The following TATDN2 variants were observed in gnomAD, a reference collection of about 807,000 sequenced individuals.
The protein encoded by TATDN2 is TatD DNase domain containing 2.
A neutral mutation model predicts 60.3 loss-of-function variants in TATDN2; 44 were observed. That is an observed-to-expected ratio of 0.73 (90% CI 0.57 to 0.94). TATDN2 has a LOEUF of 0.94. TATDN2 is among the 40% of genes least tolerant of loss of function. The pLI is 0.00. For missense variants in TATDN2, 997 were observed against 948.0 expected, an observed-to-expected ratio of 1.05 and a Z score of -0.68; for synonymous variants, 399 against 355.8, an observed-to-expected ratio of 1.12 and a Z score of -1.37.
intron 2 of TATDN2, among the ~76,000 whole-genome samples, chr3:10,256,765 G>T (rs1179499895): frequency 6.6e-6 from 1 of 151,926 alleles, no homozygotes; most frequent in African/African-American, 2.4e-5. Context: ...GAGGGCAGGG[G>T]TGGAGAAGCA....
Position 10,278,855 on chromosome 3 carries a change from A to G in TATDN2, c.2146-30A>G, listed in dbSNP as rs775941710. The G allele has an allele frequency of 6.2e-7, 1 of 1,613,946 alleles. No homozygotes were observed. The highest frequency in any genetic ancestry group is 2.2e-5 in the East Asian group (1 of 44,886). Reference sequence around the variant, plus strand: ...ATTATGACTGTGCACACATGGCACAATGATGTTATGACCACTTGATGTCTT... The same window carrying G: ...ATTATGACTGTGCACACATGGCACAGTGATGTTATGACCACTTGATGTCTT... On this transcript the variant is annotated intron_variant, in intron 6 of 7. Transcript: ENST00000448281. The surrounding 1 kb of genome is among the most constrained non-coding windows in gnomAD (Gnocchi z 4.7).
intron 2 of TATDN2, among the ~76,000 whole-genome samples, chr3:10,256,171 T>C (rs1698305326): frequency 6.8e-6 from 1 of 146,980 alleles, no homozygotes; most frequent in Non-Finnish European, 1.5e-5. Flanking sequence ...ATTACTATTA[T>C]TTTTTTTTTT....
At chr3:10,263,216 T>TC (rs1224464798) in intron 3 of TATDN2, among the ~76,000 whole-genome samples, 1 of 151,914 alleles carries the variant, frequency 6.6e-6, no homozygotes, top group East Asian at 1.9e-4. Flanking sequence ...TTTTTTTTTT[T>TC]CCCTCTGTGG....
intron 4 of TATDN2, among the ~76,000 whole-genome samples, chr3:10,272,043 T>G (rs73123874): frequency 1.2e-3 from 183 of 152,310 alleles, no homozygotes; most frequent in African/African-American, 4.3e-3. Context: ...GTTAATATTT[T>G]TTTTCCTCCC....
intron 2 of TATDN2, among the ~76,000 whole-genome samples, chr3:10,257,840 G>GATT (rs1698334679): frequency 2.6e-5 from 1 of 39,020 alleles, no homozygotes; most frequent in Non-Finnish European, 6.4e-5. Flanking sequence ...AAAGGTTTAT[G>GATT]ATTTTTTTTT....
intron 5 of TATDN2, among the ~76,000 whole-genome samples, chr3:10,277,444 A>G (rs2125182178): frequency 6.6e-6 from 1 of 152,302 alleles, no homozygotes; most frequent in South Asian, 2.1e-4. Context: ...GGGGCCCATT[A>G]TCATAGCCCA....
rs1559465685 is a variant in TATDN2 at position 10,279,055 on chromosome 3, C to T, written c.*30C>T. On this transcript the variant is annotated 3_prime_UTR_variant, in exon 7 of 8. Transcript: ENST00000448281. ...AGAAGGTACAGTCCTCGGGAGTCTC[C>T]TAGAAAAGGTCGTAAAACTCACATT... 1.3e-6 allele frequency: 2 copies of T among 1,599,778 alleles called. No homozygotes were observed. The highest frequency in any genetic ancestry group is 1.7e-6 in the Non-Finnish European group (2 of 1,175,160).
At chr3:10,273,054 G>A (rs1305315680) in intron 4 of TATDN2, among the ~76,000 whole-genome samples, 1 of 152,058 alleles carries the variant, frequency 6.6e-6, no homozygotes, top group Non-Finnish European at 1.5e-5. Context: ...AGGGTCTCAG[G>A]TCTGCACTTA....
intron 3 of TATDN2, among the ~76,000 whole-genome samples, chr3:10,267,378 A>T (rs967431062): frequency 3.3e-5 from 5 of 151,580 alleles, no homozygotes; most frequent in African/African-American, 1.2e-4. Context: ...GTATGTTTCT[A>T]GTTACATGTG....
Position 10,270,551 on chromosome 3 carries a change from A to G in TATDN2, c.1369A>G (p.Arg457Gly). 1.2e-6 allele frequency: 2 copies of G among 1,614,214 alleles called. No individual in the cohort carries two copies. Among genetic ancestry groups the G allele is most frequent in the East Asian group, 2.2e-5 (1 of 44,886 alleles). ...SFRFSRSSEE[R>G]EVKEKRTFQE... ...TCGCTTCTCCAGAAGCTCAGAAGAAAGAGAGGTGAAGGAGAAAAGAACATT... is the reference window on the plus strand; with the variant it reads ...TCGCTTCTCCAGAAGCTCAGAAGAAGGAGAGGTGAAGGAGAAAAGAACATT... The change falls in exon 4 of 8, where the codon AGA (arginine) becomes GGA (glycine). Residue 457 changes from arginine to glycine, a missense_variant. By Grantham distance (125) the Arg-to-Gly change is moderately radical (BLOSUM62 -2). Coordinates refer to ENST00000448281, the MANE Select transcript of TATDN2 (RefSeq NM_014760.4).
chr3:10,278,556 G>T lies in TATDN2; in HGVS notation c.2145+94G>T. ...CAAGGTTGGCAGGGCCAGAGCCCCA[G>T]TGACTTCCAGGTCCCATCCTGGGCT... On this transcript the variant is annotated intron_variant, in intron 6 of 7. Coordinates refer to ENST00000448281, the MANE Select transcript of TATDN2 (RefSeq NM_014760.4). The surrounding 1 kb of genome is among the most constrained non-coding windows in gnomAD (Gnocchi z 4.7). 6.5e-7 allele frequency: 1 copy of T among 1,527,578 alleles called. No homozygotes were observed. The allele number at this position is 1,527,578 out of a possible 1,614,324, so 94.6% of individuals were successfully genotyped here. A position where few individuals can be genotyped will look rare whatever the true frequency, so the allele number is the denominator to read the frequency against.
chr3:10,268,946 C>G (rs1163146964), intron 3 of TATDN2, among the ~76,000 whole-genome samples: 1 of 152,138 alleles, frequency 6.6e-6, no homozygotes, highest in African/African-American at 2.4e-5. Flanking sequence ...TTCTTTTGCT[C>G]TCAGTACTGT....
At position 10,270,614 on chromosome 3, in the gene TATDN2, G is replaced by T. The variant is rs557665159; in HGVS notation, c.1432G>T (p.Ala478Ser). 3 of 1,614,128 alleles carry T rather than the reference G, an allele frequency of 1.9e-6. No individual in the cohort carries two copies. Among genetic ancestry groups the T allele is most frequent in the South Asian group, 2.2e-5 (2 of 91,090 alleles). ...GCCTCCGCGTCCTTGTGGAGGACAC[G>T]CATCCAGCTCCCTGCCAAAGAGCCA... ...EMPPRPCGGH[A>S]SSSLPKSHLE... Residue 478 changes from alanine (A) to serine (S), a missense_variant, in exon 4 of 8, where the codon GCA becomes TCA. Transcript: ENST00000448281.
chr3:10,260,615 G>A lies in TATDN2; in HGVS notation c.893G>A (p.Cys298Tyr), dbSNP rs1411927411. 6.2e-7 allele frequency: 1 copy of A among 1,614,140 alleles called. No individual in the cohort carries two copies. Among genetic ancestry groups the A allele is most frequent in the Non-Finnish European group, 8.5e-7 (1 of 1,180,024 alleles). Residue 298 changes from cysteine (C) to tyrosine (Y), a missense_variant, in exon 3 of 8, where the codon TGC becomes TAC. By Grantham distance (194) the Cys-to-Tyr change is radical (BLOSUM62 -2). Transcript: ENST00000448281. ...GACCGAAGGACTGTCATTGACAAAT[G>A]CTCTCCACCCCTAGAGTTCTTGGAT... ...LGDRRTVIDKCSPPLEFLDDS... is the reference protein window; with the variant it reads ...LGDRRTVIDKYSPPLEFLDDS...
At chr3:10,260,102 G>A (rs751030464) in intron 2 of TATDN2, 35 bp from the exon 3 acceptor site, 121 of 1,579,564 alleles carry the variant, frequency 7.7e-5, no homozygotes, top group Non-Finnish European at 1.0e-4. Context: ...AGTGCCCTTG[G>A]AACAGCCCTT....
rs543765629 is a variant in TATDN2 at position 10,277,657 on chromosome 3, C to T, written c.1962-622C>T. Among the ~76,000 whole-genome samples, 5 of 152,294 alleles carry T rather than the reference C, an allele frequency of 3.3e-5. No homozygotes were observed. The South Asian group carries it at 8.3e-4, about 25-fold the overall frequency. On this transcript the variant is annotated intron_variant, in intron 5 of 7. Coordinates refer to ENST00000448281, the MANE Select transcript of TATDN2 (RefSeq NM_014760.4). ...GCTGCTGCACACACCAATGATGAGG[C>T]AGTCAGTTGGCTTTTCTGGGTCGGT...
rs1416841873 is a variant in TATDN2, at chr3:10,279,649, G to A, written c.*467G>A. The A allele has an allele frequency of 3.9e-5, 6 of 152,080 alleles. No individual in the cohort carries two copies. The East Asian group carries it at 1.2e-3, about 29-fold the overall frequency. 9.4% of individuals were successfully genotyped at this position (152,080 alleles called of 1,614,324 possible). On this transcript the variant is annotated 3_prime_UTR_variant, in exon 8 of 8. Coordinates refer to ENST00000448281, the MANE Select transcript of TATDN2 (RefSeq NM_014760.4). ...GACTTCCAACTGGGAAACTTTTTGG[G>A]GGAAATTAACTGGACACCTATCTCG... is the stretch of plus-strand genomic sequence containing the variant.
intron 2 of TATDN2, among the ~76,000 whole-genome samples, chr3:10,257,151 A>C (rs915104658): frequency 6.6e-6 from 1 of 151,298 alleles, no homozygotes; most frequent in African/African-American, 2.4e-5. Context: ...GTGTGGTGGC[A>C]GATGCCTGTA....
chr3:10,251,953 C>T (rs1329045236), intron 2 of TATDN2, among the ~76,000 whole-genome samples: 1 of 150,802 alleles, frequency 6.6e-6, no homozygotes, highest in Non-Finnish European at 1.5e-5. Flanking sequence ...TTGAGACTAC[C>T]CTGGCTAACA....
Sources: allele counts gnomAD v4.1 joint callset (sites outside exome capture counted in the v4.1 genomes callset), GRCh38; gene constraint gnomAD v4.1.1; non-coding constraint Gnocchi (gnomAD v3.1); transcripts MANE v1.5; gene names NCBI Gene and HGNC (gene_info 2026-07-23, HGNC 2026-07-21).